The following STK32B variants were observed in gnomAD, a reference collection of about 807,000 sequenced individuals.
STK32B encodes the protein serine/threonine kinase 32B, also known as serine/threonine-protein kinase 32B.
A neutral mutation model predicts 52.6 loss-of-function variants in STK32B; 43 were observed. That is an observed-to-expected ratio of 0.82 (90% confidence interval 0.64 to 1.05). The LOEUF (loss-of-function observed/expected upper bound fraction) is 1.05. Ranked by LOEUF, STK32B falls within the 50% of genes least tolerant of loss-of-function variation. The pLI is 0.00. For synonymous variants in STK32B, 238 were observed against 204.3 expected (o/e 1.17, Z -1.41); for missense variants, 621 against 534.6 (o/e 1.16, Z -1.59).
chr4:5,329,027 T>C (rs1161178987), intron 3 of STK32B, among the ~76,000 whole-genome samples: 1 of 152,134 alleles, frequency 6.6e-6, no homozygotes, highest in Non-Finnish European at 1.5e-5. Flanking sequence ...AAAAACTTTC[T>C]GGGCAAACAA....
intron 6 of STK32B, among the ~76,000 whole-genome samples, chr4:5,443,423 C>G (rs200780692): frequency 2.0e-5 from 3 of 151,934 alleles, no homozygotes; most frequent in African/African-American, 7.3e-5. Context: ...GCATTCTTCA[C>G]GTAGTTCTCG....
intron 3 of STK32B, among the ~76,000 whole-genome samples, chr4:5,254,488 C>T (rs1305761893): frequency 1.3e-5 from 2 of 151,964 alleles, no homozygotes; most frequent in East Asian, 3.9e-4. Context: ...TGTTGATTTT[C>T]AGCATTTTTT....
chr4:5,183,035 G>A (rs73212019), intron 3 of STK32B, among the ~76,000 whole-genome samples: 25,845 of 152,124 alleles, frequency 0.17, 2,847 homozygotes, highest in East Asian at 0.31. Flanking sequence ...AGGCTTTGTT[G>A]TTCCATTTAT....
chr4:5,097,486 A>G (rs978555175), intron 1 of STK32B, among the ~76,000 whole-genome samples: 1 of 137,570 alleles, frequency 7.3e-6, no homozygotes, highest in African/African-American at 2.9e-5. Flanking sequence ...AAGATCCCCT[A>G]CTTGTTCCTT....
chr4:5,030,118 A>G, the STK32B span, among the ~76,000 whole-genome samples: 2 of 152,194 alleles, frequency 1.3e-5, no homozygotes, highest in African/African-American at 4.8e-5. Flanking sequence ...TCTTTCCTTT[A>G]TAAATTACCC....
intron 3 of STK32B, among the ~76,000 whole-genome samples, chr4:5,192,711 G>A (rs528483572): frequency 2.7e-5 from 4 of 148,964 alleles, no homozygotes; most frequent in African/African-American, 9.9e-5. Flanking sequence ...ACCTCACACA[G>A]TCACCTTTTT....
intron 3 of STK32B, among the ~76,000 whole-genome samples, chr4:5,289,483 C>A (rs1728750670): frequency 6.6e-6 from 1 of 152,004 alleles, no homozygotes; most frequent in Non-Finnish European, 1.5e-5. Context: ...CGCTGTCTCC[C>A]AGCCAATAAA....
At chr4:5,444,580 G>T (rs1357568576) in intron 6 of STK32B, among the ~76,000 whole-genome samples, 5 of 152,168 alleles carry the variant, frequency 3.3e-5, no homozygotes, top group Non-Finnish European at 7.4e-5. Flanking sequence ...CTCACACTGG[G>T]AGCTGTTGAC....
chr4:5,172,249 T>G (rs1719442092), intron 3 of STK32B, among the ~76,000 whole-genome samples: 1 of 152,200 alleles, frequency 6.6e-6, no homozygotes, highest in Non-Finnish European at 1.5e-5. Flanking sequence ...TCATGTCGTC[T>G]GCAAACAGGG....
chr4:5,296,838 G>A (rs1308495655), intron 3 of STK32B, among the ~76,000 whole-genome samples: 1 of 152,160 alleles, frequency 6.6e-6, no homozygotes, highest in Non-Finnish European at 1.5e-5. Context: ...CACATTAGTT[G>A]ATTCAGTTTC....
chr4:5,099,582 G>A (rs746152172), intron 1 of STK32B, among the ~76,000 whole-genome samples: 1 of 152,316 alleles, frequency 6.6e-6, no homozygotes, highest in Non-Finnish European at 1.5e-5. Flanking sequence ...TTCAGTGGTG[G>A]AAAGGTAGAC....
chr4:5,493,269 T>A (rs1322787554), intron 11 of STK32B, among the ~76,000 whole-genome samples: 1 of 152,196 alleles, frequency 6.6e-6, no homozygotes, highest in Non-Finnish European at 1.5e-5. Flanking sequence ...CTGTTATTGG[T>A]CTATTCAGAG....
At chr4:5,273,149 AAAAC>A (rs1193392714) in intron 3 of STK32B, among the ~76,000 whole-genome samples, 1 of 145,808 alleles carries the variant, frequency 6.9e-6, no homozygotes, top group Admixed American at 6.9e-5. Flanking sequence ...TTACAAGAAA[AAAAC>A]AAACAACCCC....
At chr4:5,490,525 A>C (rs1206022851) in intron 11 of STK32B, among the ~76,000 whole-genome samples, 6 of 152,060 alleles carry the variant, frequency 3.9e-5, no homozygotes, top group African/African-American at 1.4e-4. Context: ...GAGGCCTAAA[A>C]GATAAGTTAT....
chr4:5,180,103 G>A (rs1023179983), intron 3 of STK32B, among the ~76,000 whole-genome samples: 2 of 152,198 alleles, frequency 1.3e-5, no homozygotes, highest in African/African-American at 2.4e-5. Flanking sequence ...AGTCTGTGTG[G>A]CCCCAGGACT....
chr4:5,115,648 C>T (rs1332025681), intron 1 of STK32B, among the ~76,000 whole-genome samples: 3 of 151,112 alleles, frequency 2.0e-5, no homozygotes, highest in Non-Finnish European at 4.4e-5. Flanking sequence ...AGCTCCTGAC[C>T]CCAGCCCAGG....
Position 5,400,601 on chromosome 4 carries a change from C to T in STK32B, c.472+2357C>T, listed in dbSNP as rs1259617477. 6.6e-6 allele frequency among the ~76,000 whole-genome samples: 1 copy of T among 152,218 alleles called. No individual in the cohort carries two copies. Among genetic ancestry groups the T allele is most frequent in the Non-Finnish European group, 1.5e-5 (1 of 68,046 alleles). ...GGCTGATAACCCTTCCCCACTCCAACACTCAATGAGTGGCTTTGCAGGTGG... is the reference window on the plus strand; with the variant it reads ...GGCTGATAACCCTTCCCCACTCCAATACTCAATGAGTGGCTTTGCAGGTGG... On this transcript the variant is annotated intron_variant, in intron 5 of 11. Coordinates refer to ENST00000282908, the MANE Select transcript of STK32B (RefSeq NM_018401.3). The surrounding 1 kb of genome is among the most constrained non-coding windows in gnomAD (Gnocchi z 6.1).
Position 5,417,081 on chromosome 4 carries a change from T to C in STK32B, c.562+147T>C, listed in dbSNP as rs111951850. On this transcript the variant is annotated intron_variant, in intron 6 of 11. Transcript: ENST00000282908. ...CCACAGTTCCCAGTAGATACAATGC[T>C]CCCTCGAAGCTCTGGACCTTTTCCA... The C allele has an allele frequency of 1.5e-3, 1,061 of 691,688 alleles. 8 individuals carry two copies. Among genetic ancestry groups the C allele is most frequent in the African/African-American group, 0.013 (697 of 55,326 alleles). The allele number at this position is 691,688 out of a possible 1,614,324, so 42.8% of individuals were successfully genotyped here. A position where few individuals can be genotyped will look rare whatever the true frequency, so the allele number is the denominator to read the frequency against.
Position 5,106,345 on chromosome 4 carries a change from G to C in STK32B, c.53-33560G>C, listed in dbSNP as rs900854150. Among the ~76,000 whole-genome samples the C allele has an allele frequency of 2.0e-5, 3 of 152,120 alleles. No homozygotes were observed. The East Asian group carries it at 5.8e-4, about 29-fold the overall frequency. ...TAATCGTAGAGGACATCCTTGTCTT[G>C]TTCTTTATGAAAATGCTTCTAAAGT... On this transcript the variant is annotated intron_variant, in intron 1 of 11. Transcript: ENST00000282908.
Sources: allele counts gnomAD v4.1 joint callset (sites outside exome capture counted in the v4.1 genomes callset), GRCh38; gene constraint gnomAD v4.1.1; non-coding constraint Gnocchi (gnomAD v3.1); transcripts MANE v1.5; gene names NCBI Gene and HGNC (gene_info 2026-07-23, HGNC 2026-07-21).